FKBP6: variants seen among roughly 807,000 people sequenced by gnomAD.
FKBP6 encodes the protein FKBP prolyl isomerase family member 6 (inactive).
In FKBP6, 29 loss-of-function variants were observed where a neutral mutation model predicts 41.7. The observed-to-expected ratio is 0.70, with a 90% CI of 0.52 to 0.95. The LOEUF is 0.95. Ranked by LOEUF, FKBP6 falls within the 40% of genes least tolerant of loss-of-function variation. The pLI is 0.00. For missense variants in FKBP6, 338 were observed against 408.7 expected, an observed-to-expected ratio of 0.83 and a Z score of 1.49; for synonymous variants, 130 against 165.1, an observed-to-expected ratio of 0.79 and a Z score of 1.63.
chr7:73,339,148 G>A (rs1554549016), intron 5 of FKBP6: 2 of 152,166 alleles, frequency 1.3e-5, no homozygotes, highest in African/African-American at 4.8e-5. Flanking sequence ...GGGGCCATGC[G>A]ATCTTCTCCC....
intron 8 of FKBP6, among the ~76,000 whole-genome samples, chr7:73,350,673 C>G (rs1805464418): frequency 6.6e-6 from 1 of 152,072 alleles, no homozygotes; most frequent in South Asian, 2.1e-4. Flanking sequence ...TCAGGAGGCC[C>G]AAGTGGAAGT....
At chr7:73,341,441 C>T (rs1468098795) in intron 7 of FKBP6, 59 bp downstream of exon 7, 1 of 989,718 alleles carries the variant, frequency 1.0e-6, no homozygotes, top group Non-Finnish European at 1.6e-6. Flanking sequence ...TCTGGTCTGT[C>T]CCCCCACCCC....
Position 73,328,305 on chromosome 7 carries a change from G to A in FKBP6, c.-124G>A, listed in dbSNP as rs1320831957. 1 of 1,549,116 alleles carries A rather than the reference G, an allele frequency of 6.5e-7. No individual in the cohort carries two copies. Among genetic ancestry groups the A allele is most frequent in the Non-Finnish European group, 8.7e-7 (1 of 1,146,598 alleles). On this transcript the variant is annotated 5_prime_UTR_variant, in exon 1 of 9. An upstream start codon of the reference 5' UTR is lost. Transcript: ENST00000252037. Reference sequence around the variant, plus strand: ...CCTCCTCGTGGCCCCAGAATGGAATGCCGCCGTCGGTAGGGGTCTGCCGGG... The same window carrying A: ...CCTCCTCGTGGCCCCAGAATGGAATACCGCCGTCGGTAGGGGTCTGCCGGG...
intron 5 of FKBP6, among the ~76,000 whole-genome samples, chr7:73,334,345 G>A (rs2115852754): frequency 6.6e-6 from 1 of 152,074 alleles, no homozygotes; most frequent in East Asian, 1.9e-4. Flanking sequence ...TCTTTGTCTG[G>A]AACTCCTATT....
At chr7:73,340,887 T>C in intron 6 of FKBP6, 55 bp downstream of exon 6, 1 of 1,163,814 alleles carries the variant, frequency 8.6e-7, no homozygotes, top group Non-Finnish European at 1.3e-6. Flanking sequence ...GTAGTAGCAG[T>C]GCTCAACTCA....
At chr7:73,338,686 T>G (rs1805081912) in intron 5 of FKBP6, among the ~76,000 whole-genome samples, 1 of 152,230 alleles carries the variant, frequency 6.6e-6, no homozygotes, top group South Asian at 2.1e-4. Context: ...TGAAGTGGTA[T>G]CTCACTGTGG....
In FKBP6 at chr7:73,334,693, G is replaced by A. The variant is rs118076874; in HGVS notation, c.588+2917G>A. On this transcript the variant is annotated intron_variant, in intron 5 of 8. Transcript: ENST00000252037. ...CTAGCATTCTGTTCTTGTTTCATGT[G>A]TATATTATTTTATATATTTAGACTG... Among the ~76,000 whole-genome samples, 1,252 of 152,204 alleles carry A rather than the reference G, an allele frequency of 8.2e-3. 5 individuals carry two copies. Among genetic ancestry groups the A allele is most frequent in the Admixed American group, 0.019 (297 of 15,286 alleles).
intron 4 of FKBP6, among the ~76,000 whole-genome samples, chr7:73,331,081 G>C (rs577095120): frequency 7.2e-5 from 11 of 152,176 alleles, no homozygotes; most frequent in African/African-American, 2.7e-4. Context: ...CGAGTTTCTT[G>C]CAAATGCCTC....
chr7:73,342,957 C>A, intron 8 of FKBP6, 58 bp downstream of exon 8: 1 of 1,148,824 alleles, frequency 8.7e-7, no homozygotes, highest in Non-Finnish European at 1.3e-6. Flanking sequence ...TGCTGCTCTC[C>A]TCCACCCCCA....
chr7:73,337,738 A>G (rs1404918115), intron 5 of FKBP6, among the ~76,000 whole-genome samples: 2 of 152,052 alleles, frequency 1.3e-5, no homozygotes, highest in Non-Finnish European at 2.9e-5. Context: ...TTCACATACC[A>G]TAAAATGTGT....
At chr7:73,342,735 G>T in intron 7 of FKBP6, 72 bp from the exon 8 acceptor site, 3 of 1,042,732 alleles carry the variant, frequency 2.9e-6, no homozygotes, top group South Asian at 2.5e-5. Flanking sequence ...TGTGAGTGGA[G>T]AATTCCAGCC....
rs1805232027 is a variant in FKBP6 at position 73,342,872 on chromosome 7, A to G, written c.959A>G (p.Asp320Gly). ...MWHRMFAPCG[D>G]GSTAGES ...CACCGCATGTTCGCGCCCTGTGGCG[A>G]TGGTTCTACAGCAGGAGAAAGTTGA... The change falls in exon 8 of 9, where the codon GAT (aspartate) becomes GGT (glycine). Residue 320 changes from aspartate (D) to glycine (G), a missense_variant. Physicochemically the swap from Asp to Gly is moderately conservative, Grantham distance 94. Coordinates refer to ENST00000252037, the MANE Select transcript of FKBP6 (RefSeq NM_003602.5). The G allele has an allele frequency of 1.2e-6, 2 of 1,613,850 alleles. No homozygotes were observed. The highest frequency in any genetic ancestry group is 2.7e-5 in the African/African-American group (2 of 75,064).
rs1415354269 is a variant in FKBP6 at position 73,342,544 on chromosome 7, G to T, written c.894-263G>T. On this transcript the variant is annotated intron_variant, in intron 7 of 8. Transcript: ENST00000252037. ...GGGTCGTTTGGCGAGACTCAGCCCG[G>T]AGCCTGGTGGCCAGAGGCACCTGCC... Among the ~76,000 whole-genome samples the T allele has an allele frequency of 3.9e-5, 6 of 152,330 alleles. No individual in the cohort carries two copies. In the East Asian group the frequency reaches 1.2e-3, roughly 29 times the overall value.
Position 73,330,164 on chromosome 7 carries a change from G to A in FKBP6, c.280G>A (p.Gly94Ser). ...MKLGEDITLW[G>S]MELGLLSMRR... ...CATTCTTACAGATATTACACTGTGGGGCATGGAGCTGGGCCTTCTGAGCAT... is the reference window on the plus strand; with the variant it reads ...CATTCTTACAGATATTACACTGTGGAGCATGGAGCTGGGCCTTCTGAGCAT... The change falls in exon 4 of 9, where the codon GGC (glycine) becomes AGC (serine). Residue 94 changes from glycine to serine, a missense_variant. By Grantham distance (56) the Gly-to-Ser change is moderately conservative. Around this residue, in one of 2 missense-constraint regions of FKBP6, gnomAD observed 99 missense variants for 158.6 expected, o/e 0.62. Transcript: ENST00000252037. The A allele has an allele frequency of 6.2e-7, 1 of 1,613,470 alleles. No individual in the cohort carries two copies. Among genetic ancestry groups the A allele is most frequent in the Non-Finnish European group, 8.5e-7 (1 of 1,179,448 alleles).
intron 8 of FKBP6, among the ~76,000 whole-genome samples, chr7:73,352,300 G>C (rs1263949732): frequency 6.6e-6 from 1 of 152,190 alleles, no homozygotes; most frequent in Non-Finnish European, 1.5e-5. Context: ...CTGTGGAGTT[G>C]TTTATGCTTC....
chr7:73,355,701 A>G (rs2115992287), intron 8 of FKBP6, among the ~76,000 whole-genome samples: 1 of 152,080 alleles, frequency 6.6e-6, no homozygotes, highest in Non-Finnish European at 1.5e-5. Flanking sequence ...CAGGCTTGAC[A>G]GTGAACATCT....
At chr7:73,334,189 C>T (rs1210912425) in intron 5 of FKBP6, among the ~76,000 whole-genome samples, 5 of 152,122 alleles carry the variant, frequency 3.3e-5, no homozygotes, top group South Asian at 2.1e-4. Context: ...TCTGTAGAGA[C>T]GAAGATCGTT....
At chr7:73,343,891 C>T (rs1805265881) in intron 8 of FKBP6, among the ~76,000 whole-genome samples, 1 of 152,208 alleles carries the variant, frequency 6.6e-6, no homozygotes. Context: ...CTCCATCTCC[C>T]TACAAAAGGG....
chr7:73,357,986 CAAA>C (rs60447125), intron 8 of FKBP6, among the ~76,000 whole-genome samples, 192 bp from the exon 9 acceptor site: 4 of 101,246 alleles, frequency 4.0e-5, no homozygotes, highest in Non-Finnish European at 2.1e-5. Context: ...GGCTCTGTCT[CAAA>C]AAAAAAAAAA....
Sources: allele counts gnomAD v4.1 joint callset (sites outside exome capture counted in the v4.1 genomes callset), GRCh38; gene constraint gnomAD v4.1.1; regional missense constraint gnomAD v4.1.1; transcripts MANE v1.5; gene names NCBI Gene and HGNC (gene_info 2026-07-23, HGNC 2026-07-21).